The following ZNF516 variants were observed in gnomAD, a reference collection of about 807,000 sequenced individuals.
ZNF516 encodes zinc finger protein 516.
A neutral mutation model predicts 79.7 loss-of-function variants in ZNF516; 19 were observed. The ratio of observed to expected loss-of-function variants is 0.24; its 90% CI spans 0.17 to 0.35. The LOEUF is 0.35. Ranked by LOEUF, ZNF516 falls within the 10% of genes least tolerant of loss-of-function variation. The probability of loss-of-function intolerance (pLI) is 1.00; values close to 1 mark genes in which losing one functional copy is unlikely to be tolerated. For synonymous variants in ZNF516, 877 were observed against 739.5 expected (o/e 1.19, Z -3.02); for missense variants, 1,678 against 1,679.5 (o/e 1.00, Z 0.02).
chr18:76,382,106 T>C (rs1167614725), intron 3 of ZNF516, among the ~76,000 whole-genome samples: 1 of 152,130 alleles, frequency 6.6e-6, no homozygotes, highest in African/African-American at 2.4e-5. Context: ...CACTCCAGCC[T>C]GGGCAACAGA....
chr18:76,490,407 G>A (rs1395980204), intron 1 of ZNF516, among the ~76,000 whole-genome samples: 1 of 152,200 alleles, frequency 6.6e-6, no homozygotes, highest in Non-Finnish European at 1.5e-5. Flanking sequence ...GAATGCAAGT[G>A]AAAATGAAGC....
chr18:76,443,131 T>C lies in ZNF516; in HGVS notation c.-77A>G, dbSNP rs1246854227. 2.0e-6 allele frequency: 3 copies of C among 1,478,370 alleles called. No homozygotes were observed. The highest frequency in any genetic ancestry group is 2.6e-5 in the Admixed American group (1 of 38,102). The allele number at this position is 1,478,370 out of a possible 1,614,324, so 91.6% of individuals were successfully genotyped here. ...CTGCAGGGACCGTCCTATCTCTCCATGGTCAGAAGAGCCAAAAGACGTGCC... is the reference window on the plus strand; with the variant it reads ...CTGCAGGGACCGTCCTATCTCTCCACGGTCAGAAGAGCCAAAAGACGTGCC... On this transcript the variant is annotated 5_prime_UTR_variant, in exon 3 of 7. The change abolishes an upstream ATG in the 5' untranslated region. Coordinates refer to ENST00000443185, the MANE Select transcript of ZNF516 (RefSeq NM_014643.4).
intron 2 of ZNF516, among the ~76,000 whole-genome samples, chr18:76,462,541 A>G (rs1255874985): frequency 1.3e-5 from 2 of 152,210 alleles, no homozygotes; most frequent in Admixed American, 6.5e-5. Context: ...ACACAATTCC[A>G]TCACTGCGTT....
intron 6 of ZNF516, among the ~76,000 whole-genome samples, chr18:76,366,409 C>T (rs950262752): frequency 7.9e-5 from 12 of 152,200 alleles, no homozygotes; most frequent in African/African-American, 2.9e-4. Context: ...GGTAACTATG[C>T]CTATCTTGAC....
intron 1 of ZNF516, among the ~76,000 whole-genome samples, chr18:76,472,798 AATAAAT>A: frequency 6.6e-6 from 1 of 152,382 alleles, no homozygotes; most frequent in Admixed American, 6.5e-5. Flanking sequence ...TAAGCAAGGA[AATAAAT>A]ATAAATAGAA....
intron 2 of ZNF516, among the ~76,000 whole-genome samples, chr18:76,450,186 G>GC (rs967762290): frequency 1.4e-5 from 2 of 141,254 alleles, no homozygotes; most frequent in African/African-American, 5.2e-5. Flanking sequence ...GAAACTAAAG[G>GC]GGGGGGGGTG....
At chr18:76,371,409 C>A (rs957061484) in intron 5 of ZNF516, 58 bp downstream of exon 5, 7 of 1,502,140 alleles carry the variant, frequency 4.7e-6, no homozygotes, top group Non-Finnish European at 6.3e-6. Context: ...AAGCCACTGA[C>A]AGAAGAGACC....
At position 76,380,150 on chromosome 18, in the gene ZNF516, T is replaced by C. The variant is rs1296130136; in HGVS notation, c.1964A>G (p.Asn655Ser). Residue 655 changes from asparagine (N) to serine (S), a missense_variant, in exon 4 of 7, where the codon AAC becomes AGC. Asn to Ser is a conservative substitution (Grantham distance 46). Transcript: ENST00000443185. ...CCTTCTAGAAGTCTCTCTGCTACTG[T>C]TTTCAAGTATGGACACAGAAGCTGC... ...GIAASVSILE[N>S]SSRETSRRQE... The C allele has an allele frequency of 5.6e-6, 9 of 1,613,786 alleles. No homozygotes were observed. The highest frequency in any genetic ancestry group is 7.6e-6 in the Non-Finnish European group (9 of 1,179,876).
chr18:76,446,902 A>G (rs1254311887), intron 2 of ZNF516, among the ~76,000 whole-genome samples: 4 of 152,314 alleles, frequency 2.6e-5, no homozygotes, highest in South Asian at 2.1e-4. Context: ...AAATAGAAAA[A>G]GTGCTGAGAC....
intron 1 of ZNF516, chr18:76,492,121 G>A (rs944508069): frequency 8.2e-6 from 8 of 978,924 alleles, no homozygotes; most frequent in Middle Eastern, 5.2e-4. Flanking sequence ...GGGAGGTAGT[G>A]GGCACGTGGG....
intron 3 of ZNF516, among the ~76,000 whole-genome samples, chr18:76,384,009 CA>C (rs1403644651): frequency 1.3e-5 from 2 of 152,226 alleles, no homozygotes; most frequent in Non-Finnish European, 2.9e-5. Flanking sequence ...CAGGTCAAAA[CA>C]AAACTAAGAC....
chr18:76,491,017 G>A, intron 1 of ZNF516: 3 of 985,294 alleles, frequency 3.0e-6, no homozygotes, highest in Non-Finnish European at 3.6e-6. Context: ...GGTGCCCACC[G>A]CCAACTCCCA....
chr18:76,415,343 T>C (rs2075419785), intron 3 of ZNF516, among the ~76,000 whole-genome samples: 1 of 152,242 alleles, frequency 6.6e-6, no homozygotes, highest in Non-Finnish European at 1.5e-5. Flanking sequence ...CTCATGTGTG[T>C]GACAATGGCC....
intron 1 of ZNF516, among the ~76,000 whole-genome samples, chr18:76,464,889 C>G (rs11665432): frequency 0.073 from 11,172 of 152,286 alleles, 639 homozygotes; most frequent in South Asian, 0.19. Flanking sequence ...GTTGGAGGAG[C>G]CCAAGTGGGA....
chr18:76,461,160 C>G (rs974686626), intron 2 of ZNF516, among the ~76,000 whole-genome samples: 1 of 152,114 alleles, frequency 6.6e-6, no homozygotes, highest in African/African-American at 2.4e-5. Flanking sequence ...CCAACCTGGG[C>G]GACAGAGCCT....
intron 6 of ZNF516, among the ~76,000 whole-genome samples, chr18:76,369,414 A>AAAAAAC (rs149758595): frequency 3.4e-4 from 52 of 152,336 alleles, no homozygotes; most frequent in Non-Finnish European, 6.9e-4. Flanking sequence ...AACAAGGCAA[A>AAAAAAC]AAAAACAAAA....
At chr18:76,490,704 A>C in intron 1 of ZNF516, 2 of 921,152 alleles carry the variant, frequency 2.2e-6, no homozygotes, top group Non-Finnish European at 2.6e-6. Context: ...TCGAAACTGC[A>C]TGGCAGGCTG....
chr18:76,425,933 C>T (rs1318558968), intron 3 of ZNF516, among the ~76,000 whole-genome samples: 1 of 152,238 alleles, frequency 6.6e-6, no homozygotes, highest in African/African-American at 2.4e-5. Flanking sequence ...AGGCAAACCC[C>T]CCAGCGCTGC....
chr18:76,447,287 G>A (rs888083942), intron 2 of ZNF516, among the ~76,000 whole-genome samples: 1 of 152,218 alleles, frequency 6.6e-6, no homozygotes, highest in African/African-American at 2.4e-5. Flanking sequence ...TGGCACGACG[G>A]GCTGTGCTTT....
Sources: gnomAD v4.1 joint callset for allele counts (sites outside exome capture counted in the v4.1 genomes callset) on GRCh38, gnomAD v4.1.1 for gene constraint, MANE v1.5 for transcripts, NCBI Gene and HGNC (gene_info 2026-07-23, HGNC 2026-07-21) for gene names.